The following SPANXN3 variants were observed in gnomAD, a reference collection of about 807,000 sequenced individuals.
SPANXN3 encodes SPANX family member N3.
Under a neutral mutation model 1.9 loss-of-function variants are expected in SPANXN3, and 1 was observed. The observed-to-expected ratio is 0.54, with a 90% confidence interval of 0.19 to 2.54. The LOEUF is 2.54. Among genes scored for constraint, SPANXN3 ranks in the 30% most tolerant of loss-of-function variants. The pLI is 0.24. For missense variants in SPANXN3, 113 were observed against 96.2 expected, an observed-to-expected ratio of 1.17 and a Z score of -0.73; for synonymous variants, 47 against 40.0, an observed-to-expected ratio of 1.17 and a Z score of -0.66.
intron 1 of SPANXN3, among the ~76,000 whole-genome samples, chrX:143,513,633 A>G (rs782450963): frequency 3.6e-5 from 4 of 111,481 alleles, no homozygotes; most frequent in African/African-American, 6.5e-5. Context: ...TTCCAGAGAT[A>G]TAAAACTCTC....
chrX:143,516,045 C>A (rs1414714591), intron 1 of SPANXN3, among the ~76,000 whole-genome samples: 2 of 111,657 alleles, frequency 1.8e-5, no homozygotes, highest in Admixed American at 1.9e-4. Context: ...ACAATTCCCT[C>A]AAGTGCAACC....
In SPANXN3 at chrX:143,517,362, C is replaced by G; in HGVS notation, c.30G>C (p.Gly10=). The stretch of plus-strand genomic sequence containing the variant: ...ATTCACAGGGGCTCTTCGTCTTCTC[C>G]CCATTGGTGCTGGAAGTTGGCTGTT... The part of the protein sequence containing the change: MEQPTSSTN[G]EKTKSPCESN... Residue 10 remains glycine (G), a synonymous_variant, in exon 1 of 2, where the codon GGG becomes GGC. Transcript: ENST00000370503. The G allele has an allele frequency of 8.3e-7, 1 of 1,211,406 alleles. No individual in the cohort carries two copies. Among genetic ancestry groups the G allele is most frequent in the Non-Finnish European group, 1.1e-6 (1 of 895,323 alleles).
chrX:143,509,241 T>C, intron 1 of SPANXN3, 79 bp from the exon 2 acceptor site: 9 of 832,986 alleles, frequency 1.1e-5, no homozygotes, highest in Non-Finnish European at 1.6e-5. Context: ...AGGGGGGCTT[T>C]ATGAGAAGGA....
chrX:143,508,983 G>A lies in SPANXN3; in HGVS notation c.258C>T (p.Asp86=), dbSNP rs369110331. 6.3e-5 allele frequency: 76 copies of A among 1,210,253 alleles called. No homozygotes were observed. Among genetic ancestry groups the A allele is most frequent in the African/African-American group, 1.7e-4 (10 of 57,169 alleles). The part of the protein sequence containing the change: ...NSINPIQKEE[D]EGVDLSEGSS... ...ATCCTTCAGATAAGTCTACGCCTTC[G>A]TCCTCCTCCTTTTGGATTGGATTGA... The change falls in exon 2 of 2, where the codon GAC becomes GAT. Residue 86 remains aspartate, a synonymous_variant. Coordinates refer to ENST00000370503, the MANE Select transcript of SPANXN3 (RefSeq NM_001009609.4).
intron 1 of SPANXN3, among the ~76,000 whole-genome samples, chrX:143,512,922 G>C (rs1929127248): frequency 9.0e-6 from 1 of 111,142 alleles, no homozygotes; most frequent in Non-Finnish European, 1.9e-5. Flanking sequence ...CTCCATAATA[G>C]AGGAAATCTC....
chrX:143,513,164 C>T (rs1929134879), intron 1 of SPANXN3, among the ~76,000 whole-genome samples: 1 of 111,876 alleles, frequency 8.9e-6, no homozygotes, highest in Non-Finnish European at 1.9e-5. Context: ...CTGGCCAAGC[C>T]ACTAAACAGG....
At chrX:143,509,489 A>T (rs1929042574) in intron 1 of SPANXN3, 1 of 235,472 alleles carries the variant, frequency 4.2e-6, no homozygotes, top group Admixed American at 6.4e-5. Flanking sequence ...AGGCTCAACT[A>T]AAGAAACATC....
At chrX:143,513,746 C>G (rs1929151240) in intron 1 of SPANXN3, among the ~76,000 whole-genome samples, 1 of 112,089 alleles carries the variant, frequency 8.9e-6, no homozygotes, top group African/African-American at 3.3e-5. Flanking sequence ...ACACATTTCA[C>G]ATGCCCCTTT....
rs1556411271 is a variant in SPANXN3, at chrX:143,509,070, G to A, written c.171C>T (p.Leu57=). 8.3e-7 allele frequency: 1 copy of A among 1,209,502 alleles called. No individual in the cohort carries two copies. The highest frequency in any genetic ancestry group is 1.1e-6 in the Non-Finnish European group (1 of 894,542). The change falls in exon 2 of 2, where the codon CTC becomes CTT. Residue 57 remains leucine, a synonymous_variant. Transcript: ENST00000370503. ...TTGAATTTATTTTCTTACCCTTCCT[G>A]AGGTAATACACAAATATTATTGGAT... ...SEYPIIFVYY[L]RKGKKINSNQ... is the part of the protein sequence containing the mutation.
At chrX:143,510,329 C>T (rs782815932) in intron 1 of SPANXN3, 1 of 111,274 alleles carries the variant, frequency 9.0e-6, no homozygotes, top group African/African-American at 3.3e-5. Flanking sequence ...CCTCAGAACA[C>T]TTGCCATTCT....
chrX:143,516,937 C>T (rs2281420), intron 1 of SPANXN3: 66,178 of 151,397 alleles, frequency 0.44, 11,542 homozygotes, highest in East Asian at 0.58. Flanking sequence ...CACGGGGGTT[C>T]GGGCCATGAG....
At chrX:143,513,195 A>G (rs782033317) in intron 1 of SPANXN3, among the ~76,000 whole-genome samples, 3 of 111,683 alleles carry the variant, frequency 2.7e-5, no homozygotes, top group African/African-American at 9.8e-5. Context: ...GGCCCATCCT[A>G]AAACCCCTAA....
chrX:143,511,321 C>T (rs781903461), intron 1 of SPANXN3, among the ~76,000 whole-genome samples: 10 of 111,601 alleles, frequency 9.0e-5, no homozygotes, highest in African/African-American at 3.3e-4. Context: ...TGATATCATG[C>T]CTTCTAGCTG....
At chrX:143,514,901 C>G (rs1481227644) in intron 1 of SPANXN3, among the ~76,000 whole-genome samples, 2 of 111,581 alleles carry the variant, frequency 1.8e-5, no homozygotes, top group African/African-American at 6.5e-5. Flanking sequence ...CCCATTGTTC[C>G]TCATGCATTT....
chrX:143,509,344 A>G (rs880001881), intron 1 of SPANXN3, among the ~76,000 whole-genome samples, 182 bp from the exon 2 acceptor site: 21 of 111,215 alleles, frequency 1.9e-4, no homozygotes, highest in African/African-American at 3.3e-4. Context: ...GCATGGGTAG[A>G]GTCACCTGTT....
At chrX:143,513,749 G>A (rs1929151491) in intron 1 of SPANXN3, among the ~76,000 whole-genome samples, 1 of 111,679 alleles carries the variant, frequency 9.0e-6, no homozygotes, top group Non-Finnish European at 1.9e-5. Context: ...CATTTCACAT[G>A]CCCCTTTGCA....
intron 1 of SPANXN3, among the ~76,000 whole-genome samples, chrX:143,516,012 C>T (rs1467657646): frequency 2.0e-4 from 22 of 111,353 alleles, no homozygotes; most frequent in Non-Finnish European, 3.8e-4. Flanking sequence ...AACTCAAGGG[C>T]GCTCGCTGGA....
chrX:143,517,308 T>A lies in SPANXN3; in HGVS notation c.78+6A>T, dbSNP rs1291217071. 1.7e-5 allele frequency: 21 copies of A among 1,207,287 alleles called. No homozygotes were observed. Among genetic ancestry groups the A allele is most frequent in the Non-Finnish European group, 2.2e-5 (20 of 893,593 alleles). The stretch of plus-strand genomic sequence containing the variant: ...TCACCTTCCCTTCAAAACCTGACAA[T>A]CTTACCTCATCATTTTTTTTGTTAT... On this transcript the variant is annotated splice_donor_region_variant and intron_variant, in intron 1 of 1. Transcript: ENST00000370503.
rs1195781838 is a variant in SPANXN3, at chrX:143,517,415, C to T, written c.-24G>A. On this transcript the variant is annotated 5_prime_UTR_variant, in exon 1 of 2. Coordinates refer to ENST00000370503, the MANE Select transcript of SPANXN3 (RefSeq NM_001009609.4). ...ATGATTCTGGTTGGTTGTAGAATGT[C>T]TATAGTAGGCTCCTGTAGACTGCAG... 4 of 1,196,537 alleles carry T rather than the reference C, an allele frequency of 3.3e-6. No homozygotes were observed. The highest frequency in any genetic ancestry group is 4.5e-6 in the Non-Finnish European group (4 of 883,226).
Sources: gnomAD v4.1 joint callset for allele counts (sites outside exome capture counted in the v4.1 genomes callset) on GRCh38, gnomAD v4.1.1 for gene constraint, MANE v1.5 for transcripts, NCBI Gene and HGNC (gene_info 2026-07-23, HGNC 2026-07-21) for gene names.